CACNA1C: variants seen among roughly 807,000 people sequenced by gnomAD.
CACNA1C encodes the protein voltage-dependent L-type calcium channel subunit alpha-1C.
CACNA1C carries 30 observed loss-of-function variants against 229.0 expected under a neutral mutation model. The observed-to-expected ratio is 0.13, with a 90% confidence interval of 0.10 to 0.18. The LOEUF is 0.18. Ranked by LOEUF, CACNA1C falls within the 10% of genes least tolerant of loss-of-function variation. CACNA1C has a pLI of 1.00. For synonymous variants in CACNA1C, 1,114 were observed against 1,132.5 expected, an observed-to-expected ratio of 0.98 and a Z score of 0.33; for missense variants, 1,658 against 2,845.0, an observed-to-expected ratio of 0.58 and a Z score of 9.49.
chr12:2,097,340 G>T (rs1237838266), intron 1 of CACNA1C, among the ~76,000 whole-genome samples: 6 of 151,874 alleles, frequency 4.0e-5, no homozygotes, highest in Admixed American at 3.9e-4. Flanking sequence ...TAGAGACGGG[G>T]TTTCACCATG....
chr12:2,506,485 T>C (rs761105684), intron 8 of CACNA1C, among the ~76,000 whole-genome samples: 62 of 152,164 alleles, frequency 4.1e-4, no homozygotes, highest in Non-Finnish European at 6.6e-4. Context: ...GCTGTGATGA[T>C]AGAATAAGAT....
chr12:2,396,377 G>A (rs553771200), intron 3 of CACNA1C, among the ~76,000 whole-genome samples: 2 of 152,156 alleles, frequency 1.3e-5, no homozygotes, highest in Non-Finnish European at 2.9e-5. Context: ...TCCGAGTCAA[G>A]GGGACGAAGA....
chr12:2,236,124 C>T (rs1168837979), intron 3 of CACNA1C, among the ~76,000 whole-genome samples: 1 of 152,158 alleles, frequency 6.6e-6, no homozygotes, highest in Non-Finnish European at 1.5e-5. Context: ...CCATCTCAGC[C>T]CGAAGTGTTT....
At chr12:2,614,420 G>C (rs190920895) in intron 29 of CACNA1C, 3 of 152,334 alleles carry the variant, frequency 2.0e-5, no homozygotes, top group Admixed American at 2.0e-4. Context: ...GAGCATCATG[G>C]AGCACAGCTG....
intron 42 of CACNA1C, among the ~76,000 whole-genome samples, chr12:2,681,342 A>C (rs1413118680): frequency 6.6e-6 from 1 of 152,230 alleles, no homozygotes. Flanking sequence ...GTCGGTGCTC[A>C]TGAAATGTCG....
intron 3 of CACNA1C, among the ~76,000 whole-genome samples, chr12:2,397,455 G>T (rs958691442): frequency 3.3e-5 from 5 of 152,240 alleles, no homozygotes; most frequent in African/African-American, 1.2e-4. Flanking sequence ...TCACGCTCTA[G>T]GAGCAAGTCA....
chr12:2,558,915 A>G (rs1459187486), intron 11 of CACNA1C, among the ~76,000 whole-genome samples: 1 of 152,088 alleles, frequency 6.6e-6, no homozygotes, highest in Non-Finnish European at 1.5e-5. Flanking sequence ...TCTAGCTCTT[A>G]TTACAGAGCA....
intron 38 of CACNA1C, among the ~76,000 whole-genome samples, chr12:2,669,593 A>C (rs2096442348): frequency 1.3e-5 from 2 of 152,232 alleles, no homozygotes; most frequent in Non-Finnish European, 2.9e-5. Context: ...ACCCCTGTCT[A>C]AAAGAACTTA....
At chr12:2,484,975 G>A (rs2099692442) in intron 5 of CACNA1C, among the ~76,000 whole-genome samples, 2 of 149,676 alleles carry the variant, frequency 1.3e-5, no homozygotes, top group East Asian at 2.0e-4. Flanking sequence ...TCAGCCTTGC[G>A]AGAATCACAT....
chr12:2,093,515 G>A (rs1296015435), intron 1 of CACNA1C, among the ~76,000 whole-genome samples: 1 of 152,222 alleles, frequency 6.6e-6, no homozygotes, highest in Admixed American at 6.5e-5. Context: ...GTGCCTCCGT[G>A]TTCCACGCTG....
chr12:2,299,825 G>A (rs1452587175), intron 3 of CACNA1C, among the ~76,000 whole-genome samples: 1 of 151,972 alleles, frequency 6.6e-6, no homozygotes, highest in Non-Finnish European at 1.5e-5. Flanking sequence ...ATGTGACCCG[G>A]ACAAGGCATT....
At position 2,467,124 on chromosome 12, in the gene CACNA1C, C is replaced by T. The variant is rs1162572878; in HGVS notation, c.757+9418C>T. ...ACACAGCGCTGGAGGCTGCCTGGTCCCCCTGCCCGCCCATCGGAGATGGTC... is the reference window on the plus strand; with the variant it reads ...ACACAGCGCTGGAGGCTGCCTGGTCTCCCTGCCCGCCCATCGGAGATGGTC... On this transcript the variant is annotated intron_variant, in intron 5 of 46. Coordinates refer to ENST00000399655, the MANE Select transcript of CACNA1C (RefSeq NM_000719.7). The surrounding 1 kb of genome is among the most constrained non-coding windows in gnomAD (Gnocchi z 4.6). Among the ~76,000 whole-genome samples, 2 of 152,124 alleles carry T rather than the reference C, an allele frequency of 1.3e-5. No homozygotes were observed. The highest frequency in any genetic ancestry group is 6.5e-5 in the Admixed American group (1 of 15,282).
At chr12:2,442,339 G>A (rs2099236808) in intron 3 of CACNA1C, among the ~76,000 whole-genome samples, 1 of 151,592 alleles carries the variant, frequency 6.6e-6, no homozygotes, top group Admixed American at 6.5e-5. Context: ...TTTCAGACAT[G>A]AGTGTGGCCA....
At chr12:2,282,213 G>T (rs1463241165) in intron 3 of CACNA1C, among the ~76,000 whole-genome samples, 1 of 152,136 alleles carries the variant, frequency 6.6e-6, no homozygotes, top group South Asian at 2.1e-4. Flanking sequence ...AACACAGGGG[G>T]TGACATTCCT....
At chr12:2,153,448 T>C (rs2095395153) in intron 3 of CACNA1C, among the ~76,000 whole-genome samples, 1 of 152,192 alleles carries the variant, frequency 6.6e-6, no homozygotes, top group Non-Finnish European at 1.5e-5. Flanking sequence ...ACTGAAACGC[T>C]CTACCTATTA....
At chr12:2,249,775 T>TC (rs1322108235) in intron 3 of CACNA1C, among the ~76,000 whole-genome samples, 2 of 149,568 alleles carry the variant, frequency 1.3e-5, no homozygotes, top group East Asian at 3.9e-4. Context: ...CTTCTCTCTT[T>TC]TTTTTTTTTT....
chr12:1,989,509 T>C (rs1260340241), intron 1 of CACNA1C, among the ~76,000 whole-genome samples: 1 of 152,124 alleles, frequency 6.6e-6, no homozygotes, highest in Admixed American at 6.5e-5. Flanking sequence ...AAGTCAGGAG[T>C]TTGAGACCAT....
intron 3 of CACNA1C, among the ~76,000 whole-genome samples, chr12:2,370,509 T>C (rs776893787): frequency 6.6e-6 from 1 of 152,258 alleles, no homozygotes; most frequent in African/African-American, 2.4e-5. Flanking sequence ...ATAAAACTTA[T>C]GTTTTTGAAG....
rs2058117219 is a variant in CACNA1C, at chr12:2,575,641, T to G, written c.1896-5949T>G. On this transcript the variant is annotated intron_variant, in intron 13 of 46. Coordinates refer to ENST00000399655, the MANE Select transcript of CACNA1C (RefSeq NM_000719.7). This position sits in a 1 kb window ranked among gnomAD's most constrained non-coding sequence, Gnocchi z 4.0. ...ATCACTTGCCACCGAAACTAAGAAT[T>G]TTTTTTTAGCCTTCAGGATGAGAAC... Among the ~76,000 whole-genome samples, 1 of 151,764 alleles carries G rather than the reference T, an allele frequency of 6.6e-6. No homozygotes were observed. Among genetic ancestry groups the G allele is most frequent in the Non-Finnish European group, 1.5e-5 (1 of 67,996 alleles).
Sources: allele counts gnomAD v4.1 joint callset (sites outside exome capture counted in the v4.1 genomes callset), GRCh38; gene constraint gnomAD v4.1.1; non-coding constraint Gnocchi (gnomAD v3.1); transcripts MANE v1.5; gene names NCBI Gene and HGNC (gene_info 2026-07-23, HGNC 2026-07-21).